Variants in PRKG1 observed in about 807,000 individuals in gnomAD.
PRKG1 encodes the protein protein kinase cGMP-dependent 1.
In PRKG1, 35 loss-of-function variants were observed where a neutral mutation model predicts 88.1. The observed-to-expected ratio is 0.40, with a 90% CI of 0.30 to 0.53. The LOEUF is 0.53. Ranked by LOEUF, PRKG1 falls within the 20% of genes least tolerant of loss-of-function variation. The pLI, the probability that PRKG1 is intolerant of heterozygous loss-of-function variation, is 0.59. For synonymous variants in PRKG1, 303 were observed against 292.5 expected, an observed-to-expected ratio of 1.04 and a Z score of -0.37; for missense variants, 540 against 839.8, an observed-to-expected ratio of 0.64 and a Z score of 4.41.
intron 5 of PRKG1, among the ~76,000 whole-genome samples, chr10:52,013,736 G>T (rs531564842): frequency 7.0e-4 from 106 of 152,326 alleles, no homozygotes; most frequent in African/African-American, 2.5e-3. Context: ...GGGACCCCTT[G>T]ATGAATTTTA....
intron 2 of PRKG1, among the ~76,000 whole-genome samples, chr10:51,365,464 C>T (rs111262552): frequency 0.026 from 3,927 of 152,052 alleles, 65 homozygotes; most frequent in South Asian, 0.044. Context: ...AAGTTTGTGG[C>T]TTCCAACTCT....
intron 4 of PRKG1, among the ~76,000 whole-genome samples, chr10:51,880,281 T>C (rs1430196240): frequency 1.3e-5 from 2 of 151,636 alleles, no homozygotes; most frequent in Admixed American, 6.6e-5. Context: ...GATTAAATAA[T>C]GTGAGTTAGT....
At chr10:52,043,288 T>C (rs551179386) in intron 5 of PRKG1, among the ~76,000 whole-genome samples, 2 of 152,194 alleles carry the variant, frequency 1.3e-5, no homozygotes, top group South Asian at 4.1e-4. Context: ...TGCAGCACTA[T>C]GAAAGATATG....
Position 51,060,656 on chromosome 10 carries a change from T to G in PRKG1, c.266+69012T>G, listed in dbSNP as rs1016611339. Among the ~76,000 whole-genome samples the G allele has an allele frequency of 3.9e-5, 6 of 152,168 alleles. 1 individual carries two copies. In the South Asian group the frequency reaches 1.2e-3, roughly 31 times the overall value. On this transcript the variant is annotated intron_variant, in intron 1 of 17. Coordinates refer to the PRKG1 transcript ENST00000401604. ...GTTATTGTTTTATATAGTAATAATT[T>G]ATATACATTTACCCTCATATTTGTC...
chr10:51,692,637 A>G (rs1328514202), intron 3 of PRKG1, among the ~76,000 whole-genome samples: 2 of 152,158 alleles, frequency 1.3e-5, no homozygotes, highest in Non-Finnish European at 2.9e-5. Context: ...CGCCATACTC[A>G]GCTAATTTTT....
chr10:52,018,067 T>G (rs1162815150), intron 5 of PRKG1, among the ~76,000 whole-genome samples: 1 of 152,116 alleles, frequency 6.6e-6, no homozygotes, highest in Non-Finnish European at 1.5e-5. Context: ...ACAGTTGTCA[T>G]TTCAAGTTCA....
chr10:51,254,316 A>C (rs1839501667), intron 2 of PRKG1, among the ~76,000 whole-genome samples: 1 of 151,952 alleles, frequency 6.6e-6, no homozygotes, highest in Non-Finnish European at 1.5e-5. Context: ...ATTGTTATCC[A>C]ATGTATACAT....
intron 4 of PRKG1, among the ~76,000 whole-genome samples, chr10:51,827,281 G>T (rs560076284): frequency 2.6e-5 from 4 of 152,126 alleles, no homozygotes; most frequent in Admixed American, 2.6e-4. Context: ...GTTTGAAAGA[G>T]TATTATTTAT....
At chr10:51,029,222 A>G (rs1843246634) in intron 1 of PRKG1, among the ~76,000 whole-genome samples, 1 of 152,190 alleles carries the variant, frequency 6.6e-6, no homozygotes, top group Middle Eastern at 3.2e-3. Flanking sequence ...CAGAGAGGTG[A>G]TCAGGTCACA....
intron 5 of PRKG1, among the ~76,000 whole-genome samples, chr10:51,956,858 A>C (rs368593482): frequency 2.6e-5 from 4 of 152,048 alleles, no homozygotes; most frequent in African/African-American, 4.8e-5. Context: ...ATTCACTGGT[A>C]CTGTCCAGAT....
At chr10:51,337,409 A>AATTTTTTTTTT (rs1841902143) in intron 2 of PRKG1, among the ~76,000 whole-genome samples, 1 of 152,192 alleles carries the variant, frequency 6.6e-6, no homozygotes, top group African/African-American at 2.4e-5. Context: ...AAATTGACAA[A>AATTTTTTTTTT]TGGGATCTAA....
At chr10:52,183,718 G>A (rs963955607) in intron 9 of PRKG1, among the ~76,000 whole-genome samples, 21 of 152,154 alleles carry the variant, frequency 1.4e-4, no homozygotes, top group African/African-American at 4.6e-4. Flanking sequence ...TCTCAAGATG[G>A]TGCCATGATG....
intron 1 of PRKG1, among the ~76,000 whole-genome samples, chr10:51,016,693 G>GTTTTTTTTTTTTTTTTTTTTTTTT (rs1843070418): frequency 1.7e-4 from 1 of 5,920 alleles, no homozygotes; most frequent in Non-Finnish European, 3.5e-4. Context: ...TTTTTTTTTT[G>GTTTTTTTTTTTTTTTTTTTTTTTT]GAATCTTGCT....
chr10:51,623,690 T>C (rs1017166004), intron 3 of PRKG1, among the ~76,000 whole-genome samples: 3 of 152,182 alleles, frequency 2.0e-5, no homozygotes, highest in Admixed American at 1.3e-4. Context: ...GAAAAGTCGA[T>C]GGAGTAGACA....
intron 1 of PRKG1, among the ~76,000 whole-genome samples, chr10:51,097,478 T>G (rs1322937475): frequency 6.6e-6 from 1 of 152,084 alleles, no homozygotes; most frequent in African/African-American, 2.4e-5. Context: ...CCACCTTGGC[T>G]TCCCGAAGTG....
intron 3 of PRKG1, among the ~76,000 whole-genome samples, chr10:51,505,400 G>T (rs1016112477): frequency 2.0e-5 from 3 of 152,148 alleles, no homozygotes; most frequent in South Asian, 2.1e-4. Context: ...TTTTTGCATC[G>T]ATGTTCATCA....
intron 13 of PRKG1, 59 bp downstream of exon 13, chr10:52,280,989 C>T: frequency 1.0e-5 from 16 of 1,542,066 alleles, no homozygotes; most frequent in Non-Finnish European, 1.3e-5. Flanking sequence ...GTTTATAAAA[C>T]TGTGTTCATT....
chr10:51,411,048 CAATA>C (rs548327106), intron 2 of PRKG1, among the ~76,000 whole-genome samples: 179 of 151,880 alleles, frequency 1.2e-3, no homozygotes, highest in Middle Eastern at 0.01. Context: ...AGGCTGAGTG[CAATA>C]CAGTGGTGTG....
chr10:51,640,031 AG>A (rs1319299550), intron 3 of PRKG1, among the ~76,000 whole-genome samples: 1 of 152,216 alleles, frequency 6.6e-6, no homozygotes, highest in Non-Finnish European at 1.5e-5. Flanking sequence ...AGATTAAAAG[AG>A]GTAATGCACC....
Sources: gnomAD v4.1 joint callset for allele counts (sites outside exome capture counted in the v4.1 genomes callset) on GRCh38, gnomAD v4.1.1 for gene constraint, MANE v1.5 for transcripts, NCBI Gene and HGNC (gene_info 2026-07-23, HGNC 2026-07-21) for gene names.